Variants in BANK1 observed in about 807,000 individuals in gnomAD.
BANK1 encodes the protein B cell scaffold protein with ankyrin repeats 1.
BANK1 carries 95 observed loss-of-function variants against 94.5 expected under a neutral mutation model. The observed-to-expected ratio is 1.00, with a 90% CI of 0.85 to 1.19. BANK1 has a LOEUF of 1.19. Among genes scored for constraint, BANK1 ranks in the 50% most tolerant of loss-of-function variants. The pLI is 0.00. For synonymous variants in BANK1, 334 were observed against 308.4 expected (o/e 1.08, Z -0.87); for missense variants, 987 against 932.2 (o/e 1.06, Z -0.77).
intron 1 of BANK1, among the ~76,000 whole-genome samples, chr4:101,823,485 C>T (rs776665327): frequency 3.3e-5 from 5 of 152,116 alleles, no homozygotes; most frequent in Non-Finnish European, 7.4e-5. Context: ...ATTGGCCATG[C>T]GTGTGATAAG....
chr4:102,035,402 A>G (rs565964546), intron 10 of BANK1, among the ~76,000 whole-genome samples: 3 of 152,178 alleles, frequency 2.0e-5, no homozygotes, highest in African/African-American at 7.2e-5. Context: ...TAATCCCAGT[A>G]CTTTGGGAGG....
intron 6 of BANK1, among the ~76,000 whole-genome samples, chr4:101,899,993 A>C (rs1722220547): frequency 6.6e-6 from 1 of 152,222 alleles, no homozygotes; most frequent in Admixed American, 6.5e-5. Flanking sequence ...TGACCTTTAT[A>C]ATCCCCTCTC....
chr4:101,820,316 C>T (rs1045380479), intron 1 of BANK1, among the ~76,000 whole-genome samples: 1 of 152,030 alleles, frequency 6.6e-6, no homozygotes, highest in African/African-American at 2.4e-5. Flanking sequence ...AGTATTAAAT[C>T]GTTTTTTGTG....
At chr4:101,986,855 G>GTATATATATGTGTATATATATGTA (rs1725507959) in intron 7 of BANK1, among the ~76,000 whole-genome samples, 11 of 79,626 alleles carry the variant, frequency 1.4e-4, no homozygotes, top group East Asian at 3.7e-4. Context: ...GTATATATAT[G>GTATATATATGTGTATATATATGTA]TATATATATA....
At chr4:101,857,921 T>C (rs907649666) in intron 3 of BANK1, among the ~76,000 whole-genome samples, 13 of 152,144 alleles carry the variant, frequency 8.5e-5, no homozygotes. Context: ...AAGACATTTG[T>C]TTTTCTAGCA....
At chr4:102,069,914 C>CA (rs1728705657) in intron 13 of BANK1, among the ~76,000 whole-genome samples, 1 of 152,078 alleles carries the variant, frequency 6.6e-6, no homozygotes, top group East Asian at 1.9e-4. Flanking sequence ...ATACTACATG[C>CA]TGTAGTATTC....
At chr4:101,940,117 A>G (rs1005245609) in intron 7 of BANK1, among the ~76,000 whole-genome samples, 1 of 151,600 alleles carries the variant, frequency 6.6e-6, no homozygotes, top group African/African-American at 2.4e-5. Flanking sequence ...GTTCTTTCAG[A>G]TTTCTCTCCC....
chr4:101,908,485 C>G (rs1402932567), intron 6 of BANK1, among the ~76,000 whole-genome samples: 1 of 152,178 alleles, frequency 6.6e-6, no homozygotes, highest in Non-Finnish European at 1.5e-5. Context: ...CCATTCAGGA[C>G]ATAGGCATGG....
intron 1 of BANK1, among the ~76,000 whole-genome samples, chr4:101,829,489 C>T (rs1044851685): frequency 6.6e-5 from 10 of 151,648 alleles, no homozygotes; most frequent in Non-Finnish European, 1.5e-4. Context: ...AAAATATTAT[C>T]TATAACATTA....
chr4:102,033,055 T>C (rs1727385755), intron 10 of BANK1, among the ~76,000 whole-genome samples: 1 of 152,196 alleles, frequency 6.6e-6, no homozygotes, highest in South Asian at 2.1e-4. Context: ...CTTTTAACTT[T>C]TTCTAGAATA....
At chr4:102,026,110 C>A (rs1189739476) in intron 9 of BANK1, among the ~76,000 whole-genome samples, 2 of 152,046 alleles carry the variant, frequency 1.3e-5, no homozygotes, top group African/African-American at 4.8e-5. Context: ...ACATAGCTAT[C>A]ACTGGCATTT....
chr4:101,914,606 C>T (rs562248844), intron 6 of BANK1, among the ~76,000 whole-genome samples: 1 of 152,224 alleles, frequency 6.6e-6, no homozygotes, highest in South Asian at 2.1e-4. Context: ...GGGTTAGGTT[C>T]CTGTGAGCTT....
intron 7 of BANK1, among the ~76,000 whole-genome samples, chr4:101,919,035 T>G (rs1355569896): frequency 6.6e-6 from 1 of 151,992 alleles, no homozygotes; most frequent in Non-Finnish European, 1.5e-5. Context: ...AGACAGTGAT[T>G]GTCATATATG....
At chr4:101,842,025 T>A (rs9999762) in intron 2 of BANK1, among the ~76,000 whole-genome samples, 3,903 of 152,268 alleles carry the variant, frequency 0.026, 184 homozygotes, top group African/African-American at 0.09. Context: ...TTCTGGTACT[T>A]CATATGAAGA....
intron 7 of BANK1, among the ~76,000 whole-genome samples, chr4:101,942,443 G>A (rs1723785399): frequency 6.6e-6 from 1 of 151,890 alleles, no homozygotes. Context: ...TCTATGTTAA[G>A]AGTTGAACTA....
intron 11 of BANK1, among the ~76,000 whole-genome samples, chr4:102,059,231 T>C (rs1456775068): frequency 2.0e-5 from 3 of 152,212 alleles, no homozygotes; most frequent in Non-Finnish European, 4.4e-5. Flanking sequence ...CCTCCAGGGA[T>C]AGCTCACTGG....
At position 102,021,603 on chromosome 4, in the gene BANK1, CCA is replaced by C. The variant is rs764903243; in HGVS notation, c.1285+12_1285+13del. 30 of 1,184,570 alleles carry C rather than the reference CCA, an allele frequency of 2.5e-5. No homozygotes were observed. The South Asian group carries it at 3.0e-4, about 12-fold the overall frequency. 73.4% of individuals were successfully genotyped at this position (1,184,570 alleles called of 1,614,324 possible). A position where few individuals can be genotyped will look rare whatever the true frequency, so the allele number is the denominator to read the frequency against. On this transcript the variant is annotated intron_variant, in intron 8 of 16. Transcript: ENST00000322953. ...CCACATATATTCCTTGTAAGTTTTT[CCA>C]TGTTATATATATATATGACATATTC...
intron 12 of BANK1, 93 bp from the exon 13 acceptor site, chr4:102,062,982 C>A: frequency 1.1e-6 from 1 of 892,072 alleles, no homozygotes. Flanking sequence ...TATCAAGTAG[C>A]AGCATTGGTA....
At chr4:101,817,869 T>C (rs1326395286) in intron 1 of BANK1, among the ~76,000 whole-genome samples, 2 of 151,886 alleles carry the variant, frequency 1.3e-5, no homozygotes, top group South Asian at 2.1e-4. Flanking sequence ...TCATCAGCTG[T>C]CATTAGTGTA....
Sources: gnomAD v4.1 joint callset for allele counts (sites outside exome capture counted in the v4.1 genomes callset) on GRCh38, gnomAD v4.1.1 for gene constraint, MANE v1.5 for transcripts, NCBI Gene and HGNC (gene_info 2026-07-23, HGNC 2026-07-21) for gene names.